Variants in CNBD1 observed in about 807,000 individuals in gnomAD.
CNBD1 encodes the protein cyclic nucleotide-binding domain-containing protein 1.
In CNBD1, 71 loss-of-function variants were observed where a neutral mutation model predicts 54.4. That is an observed-to-expected ratio of 1.30 (90% CI 1.08 to 1.59). The LOEUF (loss-of-function observed/expected upper bound fraction) is 1.59, where lower values mean the gene tolerates loss of function less well. Among genes scored for constraint, CNBD1 ranks in the 40% most tolerant of loss-of-function variants. CNBD1 has a pLI of 0.00. For missense variants in CNBD1, 659 were observed against 518.0 expected (o/e 1.27, Z -2.64); for synonymous variants, 182 against 170.7 (o/e 1.07, Z -0.51).
intron 10 of CNBD1, among the ~76,000 whole-genome samples, chr8:87,369,215 T>C (rs1343196775): frequency 6.6e-6 from 1 of 152,020 alleles, no homozygotes; most frequent in African/African-American, 2.4e-5. Flanking sequence ...ATATTTTTCT[T>C]TTACTAGGAT....
chr8:87,073,019 A>AT (rs951429596), intron 4 of CNBD1, among the ~76,000 whole-genome samples: 16 of 149,434 alleles, frequency 1.1e-4, no homozygotes, highest in East Asian at 7.9e-4. Flanking sequence ...TCCATTCTGT[A>AT]TTTTTTTTTC....
chr8:87,015,098 G>A (rs907288221), intron 4 of CNBD1, among the ~76,000 whole-genome samples: 1 of 152,164 alleles, frequency 6.6e-6, no homozygotes, highest in African/African-American at 2.4e-5. Flanking sequence ...TCTAGAAATT[G>A]ATATTTAATA....
At chr8:87,248,819 C>T (rs1284643496) in intron 6 of CNBD1, among the ~76,000 whole-genome samples, 1 of 152,102 alleles carries the variant, frequency 6.6e-6, no homozygotes, top group Non-Finnish European at 1.5e-5. Context: ...CTATGGTTAG[C>T]TTGTGGGCTT....
chr8:87,052,285 T>A (rs541034645), intron 4 of CNBD1, among the ~76,000 whole-genome samples: 123 of 152,334 alleles, frequency 8.1e-4, no homozygotes, highest in Non-Finnish European at 9.0e-4. Flanking sequence ...CCTTCTGATA[T>A]CAGGGGTTGT....
At chr8:87,261,932 G>C (rs765936307) in intron 6 of CNBD1, among the ~76,000 whole-genome samples, 2 of 151,306 alleles carry the variant, frequency 1.3e-5, no homozygotes, top group African/African-American at 4.9e-5. Context: ...GATTGCTTGA[G>C]CTCAGGAGTT....
chr8:87,051,093 C>A (rs1810301766), intron 4 of CNBD1, among the ~76,000 whole-genome samples: 1 of 152,126 alleles, frequency 6.6e-6, no homozygotes. Context: ...AATATCCCTG[C>A]CTAGCAAAGG....
intron 8 of CNBD1, among the ~76,000 whole-genome samples, chr8:87,287,592 G>A (rs1479825099): frequency 1.3e-5 from 2 of 152,132 alleles, no homozygotes; most frequent in Non-Finnish European, 2.9e-5. Flanking sequence ...GTAAATTCTA[G>A]ACAGCTACTA....
chr8:87,257,263 G>A (rs936086847), intron 6 of CNBD1, among the ~76,000 whole-genome samples: 18 of 151,050 alleles, frequency 1.2e-4, no homozygotes, highest in African/African-American at 4.4e-4. Context: ...CAGCCACTGG[G>A]GAGGCTGAGA....
At chr8:87,061,847 C>T (rs188600357) in intron 4 of CNBD1, among the ~76,000 whole-genome samples, 1 of 152,298 alleles carries the variant, frequency 6.6e-6, no homozygotes, top group Non-Finnish European at 1.5e-5. Flanking sequence ...CATGATTCTC[C>T]TAATAGCTTT....
Position 87,087,262 on chromosome 8 carries a change from CATATATATATACGTATATATATATATAT to C in CNBD1, c.432-118728_432-118701del, listed in dbSNP as rs1227524691. Among the ~76,000 whole-genome samples, 5 of 135,104 alleles carry C rather than the reference CATATATATATACGTATATATATATATAT, an allele frequency of 3.7e-5. No individual in the cohort carries two copies. The East Asian group carries it at 6.3e-4, about 17-fold the overall frequency. 88.6% of individuals were successfully genotyped at this position (135,104 alleles called of 152,430 possible). A position where few individuals can be genotyped will look rare whatever the true frequency, so the allele number is the denominator to read the frequency against. On this transcript the variant is annotated intron_variant, in intron 4 of 10. Coordinates refer to ENST00000518476, the MANE Select transcript of CNBD1 (RefSeq NM_173538.3). ...ATATATATACGTATATATATATATA[CATATATATATACGTATATATATATATAT>C]ATTTTTTATTGCCCAATACATATAA...
intron 4 of CNBD1, among the ~76,000 whole-genome samples, chr8:86,982,242 A>C (rs1808503848): frequency 1.3e-5 from 2 of 151,880 alleles, no homozygotes; most frequent in Admixed American, 6.6e-5. Context: ...TCTTCTTCTT[A>C]TTGACTTTTA....
At chr8:86,918,171 C>T (rs1809216904) in intron 3 of CNBD1, among the ~76,000 whole-genome samples, 1 of 152,036 alleles carries the variant, frequency 6.6e-6, no homozygotes, top group Non-Finnish European at 1.5e-5. Flanking sequence ...ATCCTAATTG[C>T]CCACCTCTCA....
intron 8 of CNBD1, among the ~76,000 whole-genome samples, chr8:87,294,441 G>A (rs1301162637): frequency 6.6e-6 from 1 of 152,096 alleles, no homozygotes; most frequent in Non-Finnish European, 1.5e-5. Context: ...CTCAAGCATG[G>A]GTTGAAAGGG....
intron 8 of CNBD1, among the ~76,000 whole-genome samples, chr8:87,307,054 T>C (rs1375814811): frequency 6.6e-6 from 1 of 152,220 alleles, no homozygotes; most frequent in Non-Finnish European, 1.5e-5. Flanking sequence ...AAAATTTGTT[T>C]TGTTTTTCCC....
chr8:87,224,309 T>A (rs1046382216), intron 5 of CNBD1, among the ~76,000 whole-genome samples: 2 of 150,320 alleles, frequency 1.3e-5, no homozygotes, highest in African/African-American at 4.9e-5. Context: ...AGACATGAAG[T>A]CCTTGCCCAT....
At chr8:86,943,016 C>T (rs1807372397) in intron 4 of CNBD1, among the ~76,000 whole-genome samples, 1 of 151,622 alleles carries the variant, frequency 6.6e-6, no homozygotes, top group African/African-American at 2.4e-5. Flanking sequence ...ACCTTCTATA[C>T]TTTAAAACTT....
chr8:87,353,946 CTT>C (rs1810362786), intron 10 of CNBD1, 160 bp downstream of exon 10: 4 of 507,706 alleles, frequency 7.9e-6, no homozygotes, highest in Non-Finnish European at 1.4e-5. Flanking sequence ...TCATTTCTCT[CTT>C]GGTGAATTTT....
At chr8:87,320,844 A>G (rs1809510522) in intron 8 of CNBD1, among the ~76,000 whole-genome samples, 1 of 152,140 alleles carries the variant, frequency 6.6e-6, no homozygotes, top group Non-Finnish European at 1.5e-5. Context: ...GAAATTTTAT[A>G]TTCATTGCAC....
chr8:87,030,701 T>C (rs1809762300), intron 4 of CNBD1, among the ~76,000 whole-genome samples: 1 of 152,116 alleles, frequency 6.6e-6, no homozygotes, highest in Non-Finnish European at 1.5e-5. Context: ...TTTGCTTCAT[T>C]ATCTGAAGCA....
Sources: allele counts gnomAD v4.1 joint callset (sites outside exome capture counted in the v4.1 genomes callset), GRCh38; gene constraint gnomAD v4.1.1; transcripts MANE v1.5; gene names NCBI Gene and HGNC (gene_info 2026-07-23, HGNC 2026-07-21).